Variants in ZNF483 observed in about 807,000 individuals in gnomAD.
ZNF483 encodes zinc finger protein HIT-10.
In ZNF483, 9 loss-of-function variants were observed where a neutral mutation model predicts 28.6. That is an observed-to-expected ratio of 0.32 (90% confidence interval 0.19 to 0.55). The LOEUF (loss-of-function observed/expected upper bound fraction) is 0.55. ZNF483 is among the 20% of genes least tolerant of loss of function. The pLI is 0.93. For missense variants in ZNF483, 675 were observed against 871.7 expected (o/e 0.77, Z 2.84); for synonymous variants, 322 against 306.2 (o/e 1.05, Z -0.54).
At chr9:111,572,650 G>A (rs1341521711) in intron 5 of ZNF483, among the ~76,000 whole-genome samples, 1 of 150,330 alleles carries the variant, frequency 6.7e-6, no homozygotes, top group Non-Finnish European at 1.5e-5. Flanking sequence ...TCAGCTACTC[G>A]GGAGGCTGAG....
chr9:111,558,843 A>G (rs1393282981), downstream of ZNF483, among the ~76,000 whole-genome samples: 1 of 152,108 alleles, frequency 6.6e-6, no homozygotes, highest in Non-Finnish European at 1.5e-5. Context: ...GGTTCTTCCC[A>G]TGTTTGTAAC....
Position 111,561,152 on chromosome 9 carries a change from A to G in ZNF483, c.722-15213A>G, listed in dbSNP as rs866257908. 3.3e-4 allele frequency among the ~76,000 whole-genome samples: 24 copies of G among 73,678 alleles called. 3 individuals are homozygous for G. Among genetic ancestry groups the G allele is most frequent in the African/African-American group, 1.2e-3 (16 of 13,694 alleles). 48.3% of individuals were successfully genotyped at this position (73,678 alleles called of 152,430 possible). On this transcript the variant is annotated intron_variant, in intron 5 of 5. Transcript: ENST00000358151. ...AGAGAGAGAGAGGAGAGAGAGGGAG[A>G]GAGAGAGAGAGAGAGAGAGAGAGAG...
rs142182060 is a variant in ZNF483 at position 111,525,692 on chromosome 9, T to A, written c.-129+430T>A. Among the ~76,000 whole-genome samples, 28 of 152,264 alleles carry A rather than the reference T, an allele frequency of 1.8e-4. 2 individuals are homozygous for A. In the East Asian group the frequency reaches 5.4e-3, roughly 29 times the overall value. On this transcript the variant is annotated intron_variant, in intron 1 of 5. Coordinates refer to ENST00000309235, the MANE Select transcript of ZNF483 (RefSeq NM_133464.5). ...TTTCTTCCCTCTGGTTGAGATCCTC[T>A]GGCTGCGTCACATTTTCACCGGGCC...
At chr9:111,536,833 G>GT (rs1564594671) in intron 5 of ZNF483, among the ~76,000 whole-genome samples, 2 of 152,092 alleles carry the variant, frequency 1.3e-5, no homozygotes, top group South Asian at 2.1e-4. Flanking sequence ...TATGTTATGT[G>GT]TTTTTTATAC....
At position 111,533,884 on chromosome 9, in the gene ZNF483, C is replaced by T; in HGVS notation, c.628+19C>T. 1 of 1,587,162 alleles carries T rather than the reference C, an allele frequency of 6.3e-7. No individual in the cohort carries two copies. The highest frequency in any genetic ancestry group is 8.5e-7 in the Non-Finnish European group (1 of 1,173,442). On this transcript the variant is annotated intron_variant, in intron 4 of 5. Transcript: ENST00000309235. ...TTTCTGGGTAAAGACACCTTTTCTT[C>T]ATTACCTAGCGTTTAACCTTGGGTC... is the stretch of plus-strand genomic sequence containing the variant.
intron 2 of ZNF483, chr9:111,528,053 A>ATTTT: frequency 7.1e-7 from 1 of 1,418,316 alleles, no homozygotes; most frequent in South Asian, 1.5e-5. Context: ...AAGGTGAGAC[A>ATTTT]AGATAGGATA....
At chr9:111,561,724 C>T (rs1828328709) in intron 5 of ZNF483, among the ~76,000 whole-genome samples, 1 of 152,146 alleles carries the variant, frequency 6.6e-6, no homozygotes, top group African/African-American at 2.4e-5. Context: ...TATGGACTGG[C>T]CCTAAGACCC....
chr9:111,575,060 G>T (rs1385945079), intron 5 of ZNF483, among the ~76,000 whole-genome samples: 1 of 152,172 alleles, frequency 6.6e-6, no homozygotes, highest in Non-Finnish European at 1.5e-5. Flanking sequence ...CAACACTTTG[G>T]AAGGTTGAGG....
In ZNF483 at chr9:111,553,054, T is replaced by C. The variant is rs1191123731; in HGVS notation, c.*9884T>C. On this transcript the variant is annotated 3_prime_UTR_variant, in exon 6 of 6. Coordinates refer to ENST00000309235, the MANE Select transcript of ZNF483 (RefSeq NM_133464.5). ...CTTTTAAAAGTTGTTTAAATTGTTT[T>C]GTTAGAAATTTCACTCGCAGTTCAT... 6.6e-6 allele frequency among the ~76,000 whole-genome samples: 1 copy of C among 152,250 alleles called. No homozygotes were observed. The highest frequency in any genetic ancestry group is 1.5e-5 in the Non-Finnish European group (1 of 68,038).
chr9:111,556,862 C>A (rs1027161897), downstream of ZNF483, among the ~76,000 whole-genome samples: 2 of 152,306 alleles, frequency 1.3e-5, no homozygotes, highest in African/African-American at 4.8e-5. Flanking sequence ...GTATAGCCTG[C>A]GGAACTGAGA....
chr9:111,537,427 G>T (rs949149265), intron 5 of ZNF483, among the ~76,000 whole-genome samples: 3 of 152,074 alleles, frequency 2.0e-5, no homozygotes, highest in African/African-American at 7.2e-5. Context: ...TAACCATGTT[G>T]ATCTCGAGCT....
rs997168952 is a variant in ZNF483 at position 111,550,141 on chromosome 9, G to A, written c.*6971G>A. Among the ~76,000 whole-genome samples the A allele has an allele frequency of 5.2e-4, 79 of 152,122 alleles. No individual in the cohort carries two copies. Among genetic ancestry groups the A allele is most frequent in the African/African-American group, 1.7e-3 (71 of 41,442 alleles). Reference sequence around the variant, plus strand: ...TGCTAGGGATCAGCCTGTGTTGAATGCCTAAAGTTGTCTCAATTCTTTACA... The same window carrying A: ...TGCTAGGGATCAGCCTGTGTTGAATACCTAAAGTTGTCTCAATTCTTTACA... On this transcript the variant is annotated 3_prime_UTR_variant, in exon 6 of 6. Transcript: ENST00000309235.
chr9:111,534,407 T>C, intron 5 of ZNF483, 54 bp downstream of exon 5: 1 of 1,439,462 alleles, frequency 6.9e-7, no homozygotes, highest in Non-Finnish European at 9.8e-7. Flanking sequence ...AGCAAGTCTG[T>C]TGAGAAGACT....
At chr9:111,558,819 A>G (rs538726731), downstream of ZNF483, among the ~76,000 whole-genome samples, 2 of 152,230 alleles carry the variant, frequency 1.3e-5, no homozygotes, top group South Asian at 2.1e-4. Context: ...TCCAATTCCA[A>G]TCTAACACCA....
At chr9:111,528,524 G>A (rs943847895) in intron 2 of ZNF483, among the ~76,000 whole-genome samples, 5 of 152,000 alleles carry the variant, frequency 3.3e-5, no homozygotes, top group Admixed American at 1.3e-4. Flanking sequence ...AGGGAATGTG[G>A]CTCGCCTTTT....
At chr9:111,531,830 C>T (rs148467066) in intron 3 of ZNF483, among the ~76,000 whole-genome samples, 1,874 of 152,290 alleles carry the variant, frequency 0.012, 50 homozygotes, top group African/African-American at 0.043. Context: ...AACTGGCGCA[C>T]GCCACTGTGC....
At chr9:111,568,012 T>C (rs1235091623) in intron 5 of ZNF483, among the ~76,000 whole-genome samples, 1 of 152,236 alleles carries the variant, frequency 6.6e-6, no homozygotes, top group Non-Finnish European at 1.5e-5. Context: ...ACTGTGATAA[T>C]TGTGTTAACT....
In ZNF483 at chr9:111,549,196, T is replaced by C. The variant is rs951263413; in HGVS notation, c.*6026T>C. 1.3e-5 allele frequency among the ~76,000 whole-genome samples: 2 copies of C among 152,258 alleles called. No homozygotes were observed. Among genetic ancestry groups the C allele is most frequent in the Admixed American group, 6.5e-5 (1 of 15,278 alleles). ...AAATAAAGATTTAATTTTGTTTTGC[T>C]CTTTTGTTTTCCCCTCGGAATAGTT... is the stretch of plus-strand genomic sequence containing the variant. On this transcript the variant is annotated 3_prime_UTR_variant, in exon 6 of 6. Transcript: ENST00000309235.
intron 5 of ZNF483, among the ~76,000 whole-genome samples, chr9:111,540,198 G>A (rs1157142956): frequency 1.3e-5 from 2 of 151,996 alleles, no homozygotes; most frequent in African/African-American, 2.4e-5. Flanking sequence ...TCATAAAAGA[G>A]TAACAATACA....
Sources: allele counts gnomAD v4.1 joint callset (sites outside exome capture counted in the v4.1 genomes callset), GRCh38; gene constraint gnomAD v4.1.1; transcripts MANE v1.5; gene names NCBI Gene and HGNC (gene_info 2026-07-23, HGNC 2026-07-21).